SLC22A23: variants seen among roughly 807,000 people sequenced by gnomAD.
SLC22A23 encodes solute carrier family 22 member 23, also known as ion transporter protein.
Under a neutral mutation model 61.0 loss-of-function variants are expected in SLC22A23, and 26 were observed. That is an observed-to-expected ratio of 0.43 (90% CI 0.31 to 0.59). The LOEUF (loss-of-function observed/expected upper bound fraction) is 0.59. Among genes scored for constraint, SLC22A23 ranks in the 20% least tolerant of loss-of-function variants. The pLI, the probability that SLC22A23 is intolerant of heterozygous loss-of-function variation, is 0.11. For missense variants in SLC22A23, 796 were observed against 934.7 expected, an observed-to-expected ratio of 0.85 and a Z score of 1.94; for synonymous variants, 430 against 413.9, an observed-to-expected ratio of 1.04 and a Z score of -0.47.
At chr6:3,298,903 C>T (rs1325756071) in intron 4 of SLC22A23, among the ~76,000 whole-genome samples, 6 of 145,094 alleles carry the variant, frequency 4.1e-5, no homozygotes, top group Admixed American at 3.5e-4. Flanking sequence ...ACCCGGGAAG[C>T]GGAGCTTGCA....
intron 3 of SLC22A23, among the ~76,000 whole-genome samples, chr6:3,399,016 A>G (rs1320962802): frequency 1.3e-5 from 2 of 152,100 alleles, no homozygotes; most frequent in East Asian, 3.9e-4. Context: ...GCAACAGAGC[A>G]AGACTCTGAC....
Position 3,272,668 on chromosome 6 carries a change from G to A in SLC22A23, c.*387C>T, listed in dbSNP as rs1209391997. ...GGGCTCCTGGGTGCTGCCAGGAGCCGTGTCCCATCTCCCCAGAGGGACCGG... is the reference window on the plus strand; with the variant it reads ...GGGCTCCTGGGTGCTGCCAGGAGCCATGTCCCATCTCCCCAGAGGGACCGG... On this transcript the variant is annotated 3_prime_UTR_variant, in exon 10 of 10. Transcript: ENST00000406686. 6 of 157,908 alleles carry A rather than the reference G, an allele frequency of 3.8e-5. No homozygotes were observed. Among genetic ancestry groups the A allele is most frequent in the Admixed American group, 6.4e-5 (1 of 15,730 alleles). The allele number at this position is 157,908 out of a possible 1,614,324, so 9.8% of individuals were successfully genotyped here. A position where few individuals can be genotyped will look rare whatever the true frequency, so the allele number is the denominator to read the frequency against.
chr6:3,316,487 A>G (rs1013441455), intron 4 of SLC22A23, among the ~76,000 whole-genome samples: 2 of 152,198 alleles, frequency 1.3e-5, no homozygotes, highest in African/African-American at 4.8e-5. Flanking sequence ...TCTTTGCCCC[A>G]CCGTTCCATG....
intron 3 of SLC22A23, among the ~76,000 whole-genome samples, chr6:3,380,882 G>A (rs1230821666): frequency 1.3e-5 from 2 of 152,060 alleles, no homozygotes; most frequent in African/African-American, 2.4e-5. Flanking sequence ...GCTGCTGGCC[G>A]GCATCCAGGA....
At chr6:3,320,115 C>A (rs1209360119) in intron 4 of SLC22A23, among the ~76,000 whole-genome samples, 2 of 152,190 alleles carry the variant, frequency 1.3e-5, no homozygotes, top group Non-Finnish European at 2.9e-5. Flanking sequence ...AACCCAGAGT[C>A]CTCACGCTTC....
intron 1 of SLC22A23, among the ~76,000 whole-genome samples, chr6:3,447,669 AG>A (rs1218454782): frequency 6.7e-6 from 1 of 149,412 alleles, no homozygotes; most frequent in Non-Finnish European, 1.5e-5. Flanking sequence ...GCTCACTGCA[AG>A]CTCCGCCTCC....
Position 3,282,637 on chromosome 6 carries a change from AC to A in SLC22A23, c.1703+1214del, listed in dbSNP as rs1365922468. 5.3e-5 allele frequency among the ~76,000 whole-genome samples: 8 copies of A among 152,200 alleles called. 1 individual carries two copies. The highest frequency in any genetic ancestry group is 1.9e-4 in the African/African-American group (8 of 41,450). ...TATGCGGACACCTGGGTTTTGACTC[AC>A]GGCTGAACTACTGCCATTACTCTCA... On this transcript the variant is annotated intron_variant, in intron 9 of 9. Coordinates refer to ENST00000406686, the MANE Select transcript of SLC22A23 (RefSeq NM_015482.2).
intron 3 of SLC22A23, among the ~76,000 whole-genome samples, chr6:3,406,553 CA>C (rs1561958567): frequency 1.1e-4 from 3 of 28,262 alleles, no homozygotes; most frequent in African/African-American, 5.5e-4. Flanking sequence ...TGTGTGCGCG[CA>C]TGTGTGTGTG....
chr6:3,341,984 A>G (rs1035158197), intron 3 of SLC22A23, among the ~76,000 whole-genome samples: 1 of 152,170 alleles, frequency 6.6e-6, no homozygotes, highest in East Asian at 1.9e-4. Context: ...CGATTCATGG[A>G]TAGAGGAAGA....
intron 9 of SLC22A23, among the ~76,000 whole-genome samples, chr6:3,276,295 TA>T (rs1261676450): frequency 2.0e-5 from 3 of 152,220 alleles, no homozygotes; most frequent in Non-Finnish European, 2.9e-5. Flanking sequence ...CTTGCAGCCC[TA>T]GGGGACAAAG....
intron 1 of SLC22A23, chr6:3,438,483 C>T (rs188995683): frequency 2.2e-5 from 10 of 456,446 alleles, no homozygotes; most frequent in South Asian, 7.8e-5. Context: ...ACAGTGCTTA[C>T]GTTCAGCTCC....
intron 3 of SLC22A23, among the ~76,000 whole-genome samples, chr6:3,331,994 T>G (rs1392136316): frequency 6.6e-6 from 1 of 152,324 alleles, no homozygotes; most frequent in South Asian, 2.1e-4. Flanking sequence ...GTTTTTCTGG[T>G]GCTATCCATT....
chr6:3,400,886 C>T (rs376378947), intron 3 of SLC22A23, among the ~76,000 whole-genome samples: 9 of 152,198 alleles, frequency 5.9e-5, no homozygotes, highest in Non-Finnish European at 1.0e-4. Context: ...TATTGAGTCA[C>T]GGGAATATCA....
rs947093273 is a variant in SLC22A23 at position 3,386,676 on chromosome 6, G to C, written c.913+23512C>G. ...AACCCTCTTGCTCTACAGATGAAAA[G>C]AGTGAATCCAGGACTGCCGGGGACC... On this transcript the variant is annotated intron_variant, in intron 3 of 9. Coordinates refer to ENST00000406686, the MANE Select transcript of SLC22A23 (RefSeq NM_015482.2). This position sits in a 1 kb window ranked among gnomAD's most constrained non-coding sequence, Gnocchi z 4.4. 1.3e-5 allele frequency among the ~76,000 whole-genome samples: 2 copies of C among 152,240 alleles called. No individual in the cohort carries two copies. The highest frequency in any genetic ancestry group is 4.8e-5 in the African/African-American group (2 of 41,470).
At chr6:3,446,067 TC>T (rs1355664027) in intron 1 of SLC22A23, among the ~76,000 whole-genome samples, 4 of 152,020 alleles carry the variant, frequency 2.6e-5, no homozygotes, top group Non-Finnish European at 4.4e-5. Context: ...TCTGCGGAAG[TC>T]CACCCATGCA....
chr6:3,428,649 G>A (rs1040770969), intron 1 of SLC22A23, among the ~76,000 whole-genome samples: 3 of 152,084 alleles, frequency 2.0e-5, no homozygotes, highest in Non-Finnish European at 4.4e-5. Flanking sequence ...TCACTCAAAG[G>A]CAAATAGACA....
Position 3,410,494 on chromosome 6 carries a change from T to C in SLC22A23, c.759-152A>G, listed in dbSNP as rs1382275538. On this transcript the variant is annotated intron_variant, in intron 2 of 9. Transcript: ENST00000406686. This position sits in a 1 kb window ranked among gnomAD's most constrained non-coding sequence, Gnocchi z 5.0. ...CATCTATACCCACTTCACTAGATCC[T>C]AGGCTACTATGGGTAAAAAGGGAGA... 1.3e-5 allele frequency among the ~76,000 whole-genome samples: 2 copies of C among 152,164 alleles called. No individual in the cohort carries two copies. The highest frequency in any genetic ancestry group is 4.8e-5 in the African/African-American group (2 of 41,440).
chr6:3,446,595 C>T (rs532696585), intron 1 of SLC22A23, among the ~76,000 whole-genome samples: 1 of 152,292 alleles, frequency 6.6e-6, no homozygotes, highest in Non-Finnish European at 1.5e-5. Flanking sequence ...GGCTCAGGCC[C>T]CCTTGTCTGG....
At chr6:3,420,458 G>A (rs952080337) in intron 1 of SLC22A23, among the ~76,000 whole-genome samples, 9 of 152,092 alleles carry the variant, frequency 5.9e-5, no homozygotes, top group Admixed American at 5.9e-4. Context: ...TGAATTCTAT[G>A]ATAAAATGTA....
Sources: gnomAD v4.1 joint callset for allele counts (sites outside exome capture counted in the v4.1 genomes callset) on GRCh38, gnomAD v4.1.1 for gene constraint, Gnocchi (gnomAD v3.1) non-coding constraint, MANE v1.5 for transcripts, NCBI Gene and HGNC (gene_info 2026-07-23, HGNC 2026-07-21) for gene names.